Variants in ADGRF1 observed in about 807,000 individuals in gnomAD.
The protein encoded by ADGRF1 is adhesion G protein-coupled receptor F1.
Under a neutral mutation model 87.2 loss-of-function variants are expected in ADGRF1, and 85 were observed. That is an observed-to-expected ratio of 0.97 (90% CI 0.82 to 1.17). The LOEUF (loss-of-function observed/expected upper bound fraction) is 1.17. Among genes scored for constraint, ADGRF1 ranks in the 50% most tolerant of loss-of-function variants. The probability of loss-of-function intolerance (pLI) is 0.00; values close to 1 mark genes in which losing one functional copy is unlikely to be tolerated. For missense variants in ADGRF1, 1,169 were observed against 1,077.2 expected (o/e 1.09, Z -1.19); for synonymous variants, 430 against 408.8 (o/e 1.05, Z -0.63).
chr6:47,038,075 G>A (rs1222508751), intron 1 of ADGRF1, among the ~76,000 whole-genome samples: 1 of 152,118 alleles, frequency 6.6e-6, no homozygotes, highest in African/African-American at 2.4e-5. Context: ...TGGCCAGGTT[G>A]GTCTCGAACT....
chr6:47,009,629 T>G lies in ADGRF1; in HGVS notation c.1806A>C (p.Leu602Phe). The G allele has an allele frequency of 1.2e-6, 2 of 1,614,188 alleles. No individual in the cohort carries two copies. The change falls in exon 11 of 15, where the codon TTA becomes TTC. Residue 602 changes from leucine (L) to phenylalanine (F), a missense_variant. Leu to Phe is a conservative substitution (Grantham distance 22). Coordinates refer to ENST00000371253, the MANE Select transcript of ADGRF1 (RefSeq NM_153840.4). ...AAAACAAAGCCTCGATGATCAGGCA[T>G]AAAATGAGACTTCCAATGGAGATAC... is the stretch of plus-strand genomic sequence containing the variant. ...GLGISIGSLI[L>F]CLIIEALFWK...
At position 47,012,292 on chromosome 6, in the gene ADGRF1, A is replaced by G. The variant is rs553945643; in HGVS notation, c.928-97T>C. 2.8e-5 allele frequency: 43 copies of G among 1,539,242 alleles called. 1 individual carries two copies. The South Asian group carries it at 2.9e-4, about 11-fold the overall frequency. ...TTGGCCATATAGAACTAACATTTGT[A>G]TGGTGTGTTCTAATGTAGGATAATT... On this transcript the variant is annotated intron_variant, in intron 9 of 14. Coordinates refer to ENST00000371253, the MANE Select transcript of ADGRF1 (RefSeq NM_153840.4).
At chr6:47,007,141 C>A in intron 12 of ADGRF1, 112 bp downstream of exon 12, 1 of 577,362 alleles carries the variant, frequency 1.7e-6, no homozygotes, top group Non-Finnish European at 3.0e-6. Flanking sequence ...AATTTTATTA[C>A]AAAAGTACCA....
intron 2 of ADGRF1, 38 bp from the exon 3 acceptor site, chr6:47,027,799 G>A (rs760303215): frequency 1.7e-6 from 2 of 1,195,206 alleles, no homozygotes; most frequent in African/African-American, 1.5e-5. Flanking sequence ...GTGAGACTTT[G>A]AAGAGTTGTG....
At chr6:47,021,377 T>C (rs1780044742) in intron 6 of ADGRF1, among the ~76,000 whole-genome samples, 1 of 152,220 alleles carries the variant, frequency 6.6e-6, no homozygotes, top group Non-Finnish European at 1.5e-5. Flanking sequence ...TTTTTGTTTT[T>C]TGATGTGGAG....
At chr6:47,037,525 A>G (rs1391405226) in intron 1 of ADGRF1, among the ~76,000 whole-genome samples, 1 of 152,146 alleles carries the variant, frequency 6.6e-6, no homozygotes, top group Non-Finnish European at 1.5e-5. Context: ...GGTTGTATTT[A>G]GAGACAGGGT....
intron 14 of ADGRF1, 39 bp from the exon 15 acceptor site, chr6:47,000,334 T>G (rs1387949016): frequency 6.8e-7 from 1 of 1,471,954 alleles, no homozygotes; most frequent in Non-Finnish European, 9.4e-7. Flanking sequence ...ATTGTTACTC[T>G]GTTGAAATCA....
chr6:47,020,554 C>A, intron 7 of ADGRF1, 177 bp downstream of exon 7: 2 of 1,507,302 alleles, frequency 1.3e-6, no homozygotes. Flanking sequence ...AGAATCTAGG[C>A]TTTACTCTTC....
intron 9 of ADGRF1, chr6:47,013,796 G>A (rs1022699897): frequency 1.2e-5 from 3 of 248,228 alleles, no homozygotes; most frequent in Admixed American, 6.5e-5. Flanking sequence ...TCCCCCAAGT[G>A]CTGTCTCATG....
At position 47,037,705 on chromosome 6, in the gene ADGRF1, G is replaced by A. The variant is rs1231857967; in HGVS notation, c.-44+4486C>T. ...TAATTTATTTTTTTGCAGAGACATG[G>A]TCTTGACATATTGTTCACACTGGCC... On this transcript the variant is annotated intron_variant, in intron 1 of 14. Transcript: ENST00000371253. 3.3e-5 allele frequency among the ~76,000 whole-genome samples: 5 copies of A among 152,032 alleles called. No individual in the cohort carries two copies. The East Asian group carries it at 9.6e-4, about 29-fold the overall frequency.
chr6:47,016,699 A>G lies in ADGRF1; in HGVS notation c.681T>C (p.Ile227=). 2 of 1,612,814 alleles carry G rather than the reference A, an allele frequency of 1.2e-6. No homozygotes were observed. Among genetic ancestry groups the G allele is most frequent in the Non-Finnish European group, 1.7e-6 (2 of 1,178,958 alleles). Residue 227 remains isoleucine (I), a synonymous_variant, in exon 8 of 15, where the codon ATT becomes ATC. Transcript: ENST00000371253. ...TCTTAGCCTTCTCGGCAACATGTTC[A>G]ATGGCTGACAGCAGTTCAGATGCAC... ...SSSASELLSA[I]EHVAEKAKTA...
At chr6:47,026,288 C>T (rs1229077287) in intron 3 of ADGRF1, among the ~76,000 whole-genome samples, 2 of 152,132 alleles carry the variant, frequency 1.3e-5, no homozygotes, top group Admixed American at 1.3e-4. Flanking sequence ...ATGTTATACA[C>T]TTCCTCAGGG....
At chr6:47,038,063 G>C (rs138071912) in intron 1 of ADGRF1, among the ~76,000 whole-genome samples, 8,006 of 152,168 alleles carry the variant, frequency 0.053, 257 homozygotes, top group African/African-American at 0.086. Context: ...GTTTCACCAT[G>C]TTGGCCAGGT....
chr6:47,022,804 C>CTTTT (rs11286179), intron 5 of ADGRF1, among the ~76,000 whole-genome samples: 6 of 119,280 alleles, frequency 5.0e-5, no homozygotes, highest in African/African-American at 1.0e-4. Flanking sequence ...TTTCTTTTTT[C>CTTTT]TTTTTTTTTT....
intron 7 of ADGRF1, chr6:47,018,692 AT>A (rs1779951705): frequency 1.2e-6 from 1 of 840,808 alleles, no homozygotes; most frequent in African/African-American, 1.8e-5. Context: ...TGTGTGGGTC[AT>A]TTGAGGCCAG....
At chr6:47,034,657 C>T (rs181912596) in intron 1 of ADGRF1, among the ~76,000 whole-genome samples, 14 of 152,312 alleles carry the variant, frequency 9.2e-5, no homozygotes, top group African/African-American at 3.4e-4. Flanking sequence ...AGTAGCTCCA[C>T]ACCTCAAGAG....
intron 7 of ADGRF1, chr6:47,019,798 T>C: frequency 1.0e-6 from 1 of 985,148 alleles, no homozygotes; most frequent in Non-Finnish European, 1.2e-6. Flanking sequence ...CCACTTTCTC[T>C]AACAAGCAGA....
intron 9 of ADGRF1, 109 bp downstream of exon 9, chr6:47,014,572 G>A: frequency 1.3e-6 from 2 of 1,508,570 alleles, no homozygotes; most frequent in Non-Finnish European, 1.8e-6. Flanking sequence ...TTGCATACTG[G>A]CCAATGATGC....
Position 47,014,749 on chromosome 6 carries a change from AC to A in ADGRF1, c.858del (p.Lys286AsnfsTer22). 6.2e-7 allele frequency: 1 copy of A among 1,613,968 alleles called. No homozygotes were observed. Among genetic ancestry groups the A allele is most frequent in the South Asian group, 1.1e-5 (1 of 91,078 alleles). On this transcript the variant is annotated frameshift_variant, in exon 9 of 15. Coordinates refer to ENST00000371253, the MANE Select transcript of ADGRF1 (RefSeq NM_153840.4). LOFTEE classifies it high-confidence loss of function. ...ATGACCTGCCACCCAGAGGACTCAC[AC>A]TTGGCTGTGATGTTTCCCCTGTAGC... ...SSGYRGNITA[K>X]CESSGWQVIR... is the part of the protein sequence containing the mutation.
Sources: gnomAD v4.1 joint callset for allele counts (sites outside exome capture counted in the v4.1 genomes callset) on GRCh38, gnomAD v4.1.1 for gene constraint, MANE v1.5 for transcripts, NCBI Gene and HGNC (gene_info 2026-07-23, HGNC 2026-07-21) for gene names.